Variants in SNX7 observed in about 807,000 individuals in gnomAD.
SNX7 encodes sorting nexin-7.
In SNX7, 35 loss-of-function variants were observed where a neutral mutation model predicts 48.4. The observed-to-expected ratio is 0.72, with a 90% CI of 0.55 to 0.96. The LOEUF is 0.96. SNX7 is among the 40% of genes least tolerant of loss of function. SNX7 has a pLI of 0.00. For missense variants in SNX7, 553 were observed against 548.9 expected (o/e 1.01, Z -0.07); for synonymous variants, 190 against 190.2 (o/e 1.00, Z 0.01).
At chr1:98,713,277 A>G (rs914234982) in intron 7 of SNX7, among the ~76,000 whole-genome samples, 1 of 151,922 alleles carries the variant, frequency 6.6e-6, no homozygotes, top group Non-Finnish European at 1.5e-5. Flanking sequence ...TAGTGAACCA[A>G]CCTCTGCTAG....
chr1:98,733,945 A>T (rs941062993), intron 7 of SNX7, among the ~76,000 whole-genome samples: 1 of 152,038 alleles, frequency 6.6e-6, no homozygotes, highest in Non-Finnish European at 1.5e-5. Context: ...CCTTCAGTGG[A>T]TTATCATCTC....
At chr1:98,694,767 C>A (rs1295493299) in intron 4 of SNX7, among the ~76,000 whole-genome samples, 1 of 151,544 alleles carries the variant, frequency 6.6e-6, no homozygotes, top group East Asian at 2.0e-4. Flanking sequence ...GCCACCACGC[C>A]AGGCTAATTT....
intron 7 of SNX7, among the ~76,000 whole-genome samples, chr1:98,708,627 G>C (rs1490673906): frequency 6.6e-6 from 1 of 152,086 alleles, no homozygotes; most frequent in African/African-American, 2.4e-5. Flanking sequence ...GAGTGATGCT[G>C]TAATCAAGAA....
chr1:98,695,564 T>C lies in SNX7; in HGVS notation c.686T>C (p.Met229Thr), dbSNP rs765225858. 1.9e-6 allele frequency: 3 copies of C among 1,614,142 alleles called. No homozygotes were observed. The highest frequency in any genetic ancestry group is 1.7e-5 in the Admixed American group (1 of 60,028). ...KKQGPGLLSR[M>T]GQTVRAVASS... ...CAAGGTCCTGGCTTGCTAAGCAGGATGGGGCAAACCGTCAGAGCTGTTGCG... is the reference window on the plus strand; with the variant it reads ...CAAGGTCCTGGCTTGCTAAGCAGGACGGGGCAAACCGTCAGAGCTGTTGCG... The change falls in exon 5 of 9, where the codon ATG (methionine) becomes ACG (threonine). Residue 229 changes from methionine to threonine, a missense_variant. By Grantham distance (81) the Met-to-Thr change is moderately conservative. Transcript: ENST00000306121.
At chr1:98,675,379 T>C (rs552053712) in intron 1 of SNX7, among the ~76,000 whole-genome samples, 1 of 152,318 alleles carries the variant, frequency 6.6e-6, no homozygotes, top group African/African-American at 2.4e-5. Flanking sequence ...GTAATTTAAA[T>C]CCTTCTACTG....
At chr1:98,701,267 A>G (rs1233130611) in intron 6 of SNX7, among the ~76,000 whole-genome samples, 1 of 152,216 alleles carries the variant, frequency 6.6e-6, no homozygotes, top group African/African-American at 2.4e-5. Context: ...AAGCTTGGCT[A>G]ACTGATGAAT....
In SNX7 at chr1:98,685,025, T is replaced by G; in HGVS notation, c.321T>G (p.Val107=). 6.3e-7 allele frequency: 1 copy of G among 1,579,332 alleles called. No individual in the cohort carries two copies. Among genetic ancestry groups the G allele is most frequent in the Non-Finnish European group, 8.6e-7 (1 of 1,160,570 alleles). ...CAGTTGATGAACCTGAAAGTCATGTTACTACAATAGAAACTTTCATTACGT... is the reference window on the plus strand; with the variant it reads ...CAGTTGATGAACCTGAAAGTCATGTGACTACAATAGAAACTTTCATTACGT... ...FITVDEPESH[V]TTIETFITYR... is the part of the protein sequence containing the mutation. Residue 107 remains valine, a synonymous_variant, in exon 2 of 9, where the codon GTT becomes GTG. Transcript: ENST00000306121.
intron 1 of SNX7, among the ~76,000 whole-genome samples, chr1:98,682,175 C>T (rs1344191631): frequency 6.6e-6 from 1 of 151,796 alleles, no homozygotes; most frequent in Non-Finnish European, 1.5e-5. Context: ...TCTGCTTATT[C>T]CCCTTTCGTA....
chr1:98,683,840 C>T (rs1650636298), intron 1 of SNX7, among the ~76,000 whole-genome samples: 1 of 152,182 alleles, frequency 6.6e-6, no homozygotes, highest in East Asian at 1.9e-4. Context: ...GTATGCAGGA[C>T]TTTCACTTGA....
intron 8 of SNX7, among the ~76,000 whole-genome samples, chr1:98,740,130 T>G (rs1344005712): frequency 6.6e-6 from 1 of 152,176 alleles, no homozygotes; most frequent in Non-Finnish European, 1.5e-5. Context: ...ATTTTCTATC[T>G]CTCCATAATT....
chr1:98,743,204 A>T (rs1203581660), intron 8 of SNX7, among the ~76,000 whole-genome samples: 7 of 152,070 alleles, frequency 4.6e-5, no homozygotes, highest in African/African-American at 1.7e-4. Flanking sequence ...CTGTGCTAAT[A>T]AACACAGGGG....
At chr1:98,717,741 G>C (rs1652664829) in intron 7 of SNX7, among the ~76,000 whole-genome samples, 1 of 152,062 alleles carries the variant, frequency 6.6e-6, no homozygotes, top group Non-Finnish European at 1.5e-5. Context: ...ATGAGATAAG[G>C]AGGTACAGTT....
rs148532539 is a variant in SNX7 at position 98,751,181 on chromosome 1, G to A, written c.1279-8873G>A. On this transcript the variant is annotated intron_variant, in intron 8 of 8. Transcript: ENST00000306121. ...GGAAGCTTCCATTGAAAGCTGTATC[G>A]TATCTGTAGAAATACCATTATTGTC... Among the ~76,000 whole-genome samples the A allele has an allele frequency of 7.8e-4, 119 of 152,104 alleles. 1 individual carries two copies. The highest frequency in any genetic ancestry group is 2.2e-3 in the Admixed American group (34 of 15,242).
At chr1:98,710,378 G>C (rs1406583547) in intron 7 of SNX7, among the ~76,000 whole-genome samples, 1 of 152,098 alleles carries the variant, frequency 6.6e-6, no homozygotes, top group African/African-American at 2.4e-5. Context: ...GAGAGGCAGC[G>C]TAACAATGTT....
At chr1:98,713,059 C>G (rs916277548) in intron 7 of SNX7, among the ~76,000 whole-genome samples, 32 of 145,340 alleles carry the variant, frequency 2.2e-4, no homozygotes, top group African/African-American at 7.5e-4. Flanking sequence ...CCATTGCAGT[C>G]CAGCCTGGGC....
chr1:98,760,290 A>G lies in SNX7; in HGVS notation c.*159A>G. 1.6e-6 allele frequency: 1 copy of G among 607,298 alleles called. No individual in the cohort carries two copies. Among genetic ancestry groups the G allele is most frequent in the Non-Finnish European group, 2.9e-6 (1 of 339,392 alleles). 37.6% of individuals were successfully genotyped at this position (607,298 alleles called of 1,614,324 possible). ...ATCTCAGGTATTCCAGGTCACTGAC[A>G]TGAATTTGAAGATATATCTATCTGT... On this transcript the variant is annotated 3_prime_UTR_variant, in exon 9 of 9. Coordinates refer to ENST00000306121, the MANE Select transcript of SNX7 (RefSeq NM_015976.5).
intron 2 of SNX7, among the ~76,000 whole-genome samples, chr1:98,686,257 G>A (rs1025896677): frequency 1.3e-5 from 2 of 152,030 alleles, no homozygotes; most frequent in African/African-American, 4.8e-5. Context: ...AACTCTTAAG[G>A]AATGTAAAAC....
rs766936570 is a variant in SNX7 at position 98,691,088 on chromosome 1, A to C, written c.377A>C (p.Glu126Ala). The change falls in exon 3 of 9, where the codon GAA (glutamate) becomes GCA (alanine). Residue 126 changes from glutamate to alanine, a missense_variant. Physicochemically the swap from Glu to Ala is moderately radical, Grantham distance 107. Transcript: ENST00000306121. ...TACTTTCTTCAGACATCTCGTGGGG[A>C]ATTTGACTCCAGTGAATTTGAAGTT... ...YRIITKTSRG[E>A]FDSSEFEVRR... is the part of the protein sequence containing the mutation. 1.2e-6 allele frequency: 2 copies of C among 1,605,752 alleles called. No individual in the cohort carries two copies. The highest frequency in any genetic ancestry group is 3.4e-5 in the Admixed American group (2 of 59,230).
rs556328828 is a variant in SNX7 at position 98,694,685 on chromosome 1, G to A, written c.640-833G>A. Among the ~76,000 whole-genome samples, 24 of 128,244 alleles carry A rather than the reference G, an allele frequency of 1.9e-4. No individual in the cohort carries two copies. The East Asian group carries it at 5.7e-3, about 30-fold the overall frequency. 84.1% of individuals were successfully genotyped at this position (128,244 alleles called of 152,430 possible). On this transcript the variant is annotated intron_variant, in intron 4 of 8. Coordinates refer to ENST00000306121, the MANE Select transcript of SNX7 (RefSeq NM_015976.5). ...TGCAGTGGCATGATCTCGGCTCACT[G>A]CAACCTCTGCCTCCTGGGTTCACGC...
Sources: gnomAD v4.1 joint callset for allele counts (sites outside exome capture counted in the v4.1 genomes callset) on GRCh38, gnomAD v4.1.1 for gene constraint, MANE v1.5 for transcripts, NCBI Gene and HGNC (gene_info 2026-07-23, HGNC 2026-07-21) for gene names.